Variants in SLC39A11 observed in about 807,000 individuals in gnomAD.
The protein encoded by SLC39A11 is solute carrier family 39 member 11.
A neutral mutation model predicts 36.1 loss-of-function variants in SLC39A11; 33 were observed. That is an observed-to-expected ratio of 0.91 (90% CI 0.69 to 1.22). The LOEUF is 1.22. Ranked by LOEUF, SLC39A11 falls within the 50% of genes most tolerant of loss-of-function variation. SLC39A11 has a pLI of 0.00. For missense variants in SLC39A11, 432 were observed against 430.3 expected, an observed-to-expected ratio of 1.00 and a Z score of -0.03; for synonymous variants, 166 against 170.3, an observed-to-expected ratio of 0.97 and a Z score of 0.20.
chr17:72,889,282 A>G (rs2081597608), intron 5 of SLC39A11, among the ~76,000 whole-genome samples: 1 of 152,206 alleles, frequency 6.6e-6, no homozygotes, highest in Non-Finnish European at 1.5e-5. Context: ...TGGGAGGCCA[A>G]GGCAGATGGA....
intron 5 of SLC39A11, among the ~76,000 whole-genome samples, chr17:72,873,841 G>A (rs1184378167): frequency 6.6e-6 from 1 of 152,166 alleles, no homozygotes; most frequent in Non-Finnish European, 1.5e-5. Context: ...CATGTGTCAA[G>A]GGTGGGACCA....
At chr17:72,780,525 G>GT (rs1403591504) in intron 6 of SLC39A11, among the ~76,000 whole-genome samples, 5 of 122,962 alleles carry the variant, frequency 4.1e-5, no homozygotes, top group Non-Finnish European at 6.6e-5. Flanking sequence ...GAAGATGGGG[G>GT]GCGGGTGGGG....
At chr17:72,697,498 C>T (rs1002856553) in intron 7 of SLC39A11, among the ~76,000 whole-genome samples, 1 of 152,210 alleles carries the variant, frequency 6.6e-6, no homozygotes, top group South Asian at 2.1e-4. Context: ...GGGAGAGGCT[C>T]TGTCTCACCC....
At chr17:72,951,876 C>A (rs956181867) in intron 4 of SLC39A11, among the ~76,000 whole-genome samples, 3 of 152,176 alleles carry the variant, frequency 2.0e-5, no homozygotes, top group Non-Finnish European at 2.9e-5. Context: ...CAAACACTGA[C>A]TCCCTCTTCC....
chr17:72,672,278 G>A (rs1015578461), intron 7 of SLC39A11, among the ~76,000 whole-genome samples: 13 of 152,100 alleles, frequency 8.5e-5, no homozygotes, highest in African/African-American at 3.1e-4. Context: ...GTGAAACCTT[G>A]ACTCTACTAA....
rs118139715 is a variant in SLC39A11, at chr17:72,958,473, C to T, written c.307-10598G>A. The stretch of plus-strand genomic sequence containing the variant: ...ATACATCTGACAAAGGACCAATATC[C>T]AGGATCTACAATAAACTCAAATCAG... On this transcript the variant is annotated intron_variant, in intron 4 of 9. Transcript: ENST00000255559. 7.8e-3 allele frequency among the ~76,000 whole-genome samples: 1,194 copies of T among 152,292 alleles called. 21 individuals carry two copies. The highest frequency in any genetic ancestry group is 7.5e-3 in the Non-Finnish European group (509 of 68,032).
intron 5 of SLC39A11, among the ~76,000 whole-genome samples, chr17:72,907,484 C>T (rs996878686): frequency 1.3e-5 from 2 of 152,068 alleles, no homozygotes; most frequent in Non-Finnish European, 1.5e-5. Flanking sequence ...AGTGACGGAG[C>T]GAGACTCCAA....
At chr17:73,039,393 C>T (rs911322886) in intron 3 of SLC39A11, among the ~76,000 whole-genome samples, 1 of 152,192 alleles carries the variant, frequency 6.6e-6, no homozygotes, top group Non-Finnish European at 1.5e-5. Flanking sequence ...CAGGAGAGTG[C>T]TGTGCCTTAA....
At chr17:72,649,317 C>T in intron 7 of SLC39A11, 49 bp from the exon 8 acceptor site, 1 of 1,560,246 alleles carries the variant, frequency 6.4e-7, no homozygotes, top group Non-Finnish European at 8.8e-7. Context: ...AATAGGTGCT[C>T]ACACAATGGG....
chr17:73,037,738 G>A (rs919631401), intron 3 of SLC39A11, among the ~76,000 whole-genome samples: 5 of 152,160 alleles, frequency 3.3e-5, no homozygotes, highest in African/African-American at 9.7e-5. Context: ...CAGGGGCCTC[G>A]CTGTACCCCC....
intron 7 of SLC39A11, among the ~76,000 whole-genome samples, chr17:72,721,393 G>A (rs1245279121): frequency 1.3e-5 from 2 of 152,100 alleles, no homozygotes; most frequent in Non-Finnish European, 2.9e-5. Flanking sequence ...CACCATGTCC[G>A]GTCTTGACTG....
At chr17:72,806,382 T>C (rs557414193) in intron 6 of SLC39A11, among the ~76,000 whole-genome samples, 1 of 152,316 alleles carries the variant, frequency 6.6e-6, no homozygotes, top group Admixed American at 6.5e-5. Flanking sequence ...ATTAAAAGCC[T>C]TGTTTATTGC....
intron 5 of SLC39A11, among the ~76,000 whole-genome samples, chr17:72,897,570 G>A (rs890100090): frequency 2.0e-5 from 3 of 152,168 alleles, no homozygotes; most frequent in South Asian, 4.1e-4. Flanking sequence ...AGGAGGAGCC[G>A]ATGGGTTGAG....
chr17:72,896,577 A>T (rs12602190), intron 5 of SLC39A11, among the ~76,000 whole-genome samples: 1 of 152,142 alleles, frequency 6.6e-6, no homozygotes, highest in Non-Finnish European at 1.5e-5. Flanking sequence ...ATGAAGAAAG[A>T]CCAAGGCTGT....
At chr17:72,720,479 C>G (rs538613875) in intron 7 of SLC39A11, among the ~76,000 whole-genome samples, 1 of 133,156 alleles carries the variant, frequency 7.5e-6, no homozygotes, top group African/African-American at 3.0e-5. Context: ...TCCCTGCAGA[C>G]AGTGGAAGCT....
chr17:72,883,204 T>A (rs2081293427), intron 5 of SLC39A11, among the ~76,000 whole-genome samples: 1 of 152,172 alleles, frequency 6.6e-6, no homozygotes, highest in Non-Finnish European at 1.5e-5. Context: ...GGAAAGTGCA[T>A]AAAACACAGC....
intron 6 of SLC39A11, among the ~76,000 whole-genome samples, chr17:72,830,017 T>C (rs1373941345): frequency 6.6e-6 from 1 of 152,000 alleles, no homozygotes; most frequent in African/African-American, 2.4e-5. Context: ...ATGCTACTCA[T>C]GATGAATATG....
chr17:72,830,075 G>A (rs917589766), intron 6 of SLC39A11, among the ~76,000 whole-genome samples: 2 of 152,162 alleles, frequency 1.3e-5, no homozygotes, highest in African/African-American at 4.8e-5. Context: ...GAAGGTATGA[G>A]GCCATGAGGA....
intron 4 of SLC39A11, among the ~76,000 whole-genome samples, chr17:72,985,347 G>T: frequency 6.7e-6 from 1 of 149,730 alleles, no homozygotes; most frequent in South Asian, 2.1e-4. Context: ...ACCCTATCAG[G>T]TATTACCCAC....
Sources: allele counts gnomAD v4.1 joint callset (sites outside exome capture counted in the v4.1 genomes callset), GRCh38; gene constraint gnomAD v4.1.1; transcripts MANE v1.5; gene names NCBI Gene and HGNC (gene_info 2026-07-23, HGNC 2026-07-21).